The following TOX3 variants were observed in gnomAD, a reference collection of about 807,000 sequenced individuals.
TOX3 encodes CAG trinucleotide repeat-containing gene F9 protein.
TOX3 carries 22 observed loss-of-function variants against 64.3 expected under a neutral mutation model. The observed-to-expected ratio is 0.34, with a 90% confidence interval of 0.24 to 0.49. The LOEUF (loss-of-function observed/expected upper bound fraction) is 0.49, where lower values mean the gene tolerates loss of function less well. TOX3 is among the 20% of genes least tolerant of loss of function. The probability of loss-of-function intolerance (pLI) is 0.99; values close to 1 mark genes in which losing one functional copy is unlikely to be tolerated. For missense variants in TOX3, 661 were observed against 714.4 expected (o/e 0.93, Z 0.85); for synonymous variants, 291 against 273.6 (o/e 1.06, Z -0.63).
At chr16:52,484,998 C>A (rs1461373679) in intron 1 of TOX3, among the ~76,000 whole-genome samples, 3 of 151,332 alleles carry the variant, frequency 2.0e-5, no homozygotes, top group East Asian at 1.9e-4. Context: ...AACCTAAGTA[C>A]ATATAAGCAG....
rs964809815 is a variant in TOX3 at position 52,437,881 on chromosome 16, A to T, written c.*1344T>A. On this transcript the variant is annotated 3_prime_UTR_variant, in exon 7 of 7. Coordinates refer to ENST00000219746, the MANE Select transcript of TOX3 (RefSeq NM_001080430.4). ...CAAGGATCTTCATTTCAGGCTATGC[A>T]ATGCATATTCTTGGCCATAAATATC... 3 of 152,434 alleles carry T rather than the reference A, an allele frequency of 2.0e-5. No homozygotes were observed. The highest frequency in any genetic ancestry group is 7.2e-5 in the African/African-American group (3 of 41,408). The allele number at this position is 152,434 out of a possible 1,614,324, so 9.4% of individuals were successfully genotyped here.
At chr16:52,489,233 C>CA (rs1213613600) in intron 1 of TOX3, among the ~76,000 whole-genome samples, 1 of 152,160 alleles carries the variant, frequency 6.6e-6, no homozygotes, top group Admixed American at 6.5e-5. Context: ...CAGTCCCATT[C>CA]ACCCTTAGAG....
intron 3 of TOX3, among the ~76,000 whole-genome samples, chr16:52,458,016 C>T (rs1317322014): frequency 6.6e-6 from 1 of 152,080 alleles, no homozygotes; most frequent in East Asian, 1.9e-4. Flanking sequence ...CTGCAACTGC[C>T]TTTGTTTTAC....
chr16:52,516,171 T>C (rs926125166), intron 1 of TOX3, among the ~76,000 whole-genome samples: 4 of 152,192 alleles, frequency 2.6e-5, no homozygotes, highest in Non-Finnish European at 5.9e-5. Context: ...TATTAATACC[T>C]AAGAAAATCA....
At chr16:52,501,086 T>C (rs1053022473) in intron 1 of TOX3, among the ~76,000 whole-genome samples, 4 of 152,184 alleles carry the variant, frequency 2.6e-5, no homozygotes, top group African/African-American at 9.7e-5. Flanking sequence ...TTTCCATATG[T>C]TAACTCATTA....
At chr16:52,485,052 TAC>T (rs139274101) in intron 1 of TOX3, among the ~76,000 whole-genome samples, 28,411 of 145,394 alleles carry the variant, frequency 0.2, 3,103 homozygotes, top group East Asian at 0.52. Context: ...TATATATATA[TAC>T]ACACACACAA....
In TOX3 at chr16:52,445,727, A is replaced by T. The variant is rs181464681; in HGVS notation, c.906+267T>A. On this transcript the variant is annotated intron_variant, in intron 5 of 6. Coordinates refer to ENST00000219746, the MANE Select transcript of TOX3 (RefSeq NM_001080430.4). ...TTAAAATGAAAAGATTATCATCAAA[A>T]GTTTATGCTTGCAGGATACTGCCTG... is the stretch of plus-strand genomic sequence containing the variant. 3.2e-5 allele frequency: 12 copies of T among 375,446 alleles called. No individual in the cohort carries two copies. The Admixed American group carries it at 4.7e-4, about 15-fold the overall frequency. The allele number at this position is 375,446 out of a possible 1,614,324, so 23.3% of individuals were successfully genotyped here.
intron 1 of TOX3, among the ~76,000 whole-genome samples, chr16:52,536,713 C>A (rs967348333): frequency 7.4e-6 from 1 of 134,608 alleles, no homozygotes; most frequent in Admixed American, 7.7e-5. Flanking sequence ...ATTTCTCACT[C>A]TATATCCATA....
chr16:52,461,691 C>A (rs1442242183), intron 3 of TOX3, among the ~76,000 whole-genome samples: 1 of 152,092 alleles, frequency 6.6e-6, no homozygotes, highest in Non-Finnish European at 1.5e-5. Context: ...TTCTTACTTG[C>A]ATAAGGTATG....
intron 2 of TOX3, among the ~76,000 whole-genome samples, chr16:52,468,263 T>C (rs1185025672): frequency 1.3e-5 from 2 of 152,214 alleles, no homozygotes; most frequent in Non-Finnish European, 2.9e-5. Context: ...TTACTTTTTG[T>C]TTGCATTATT....
chr16:52,505,569 A>C (rs1241106782), intron 1 of TOX3, among the ~76,000 whole-genome samples: 1 of 152,298 alleles, frequency 6.6e-6, no homozygotes, highest in South Asian at 2.1e-4. Context: ...AAAAATCACT[A>C]ACTGCTTTGG....
At chr16:52,509,482 A>C (rs1962245189) in intron 1 of TOX3, among the ~76,000 whole-genome samples, 1 of 152,206 alleles carries the variant, frequency 6.6e-6, no homozygotes, top group Non-Finnish European at 1.5e-5. Flanking sequence ...TAGTTCTAAA[A>C]GTGTTTTGCC....
At chr16:52,534,503 G>A (rs2151486709) in intron 1 of TOX3, among the ~76,000 whole-genome samples, 1 of 152,092 alleles carries the variant, frequency 6.6e-6, no homozygotes, top group African/African-American at 2.4e-5. Context: ...CTGGGTATGG[G>A]GTGTGCACTT....
Position 52,501,469 on chromosome 16 carries a change from C to T in TOX3, c.88-32895G>A, listed in dbSNP as rs1022643268. On this transcript the variant is annotated intron_variant, in intron 1 of 6. Coordinates refer to ENST00000219746, the MANE Select transcript of TOX3 (RefSeq NM_001080430.4). Reference sequence around the variant, plus strand: ...GGCGGATCACCTGAGGCCAGGAGTTCGAGACCAGCCTGGCCAACATGGTGA... The same window carrying T: ...GGCGGATCACCTGAGGCCAGGAGTTTGAGACCAGCCTGGCCAACATGGTGA... Among the ~76,000 whole-genome samples the T allele has an allele frequency of 3.9e-5, 6 of 152,030 alleles. No homozygotes were observed. The East Asian group carries it at 5.8e-4, about 15-fold the overall frequency.
intron 3 of TOX3, among the ~76,000 whole-genome samples, chr16:52,455,360 T>C (rs908425438): frequency 1.3e-5 from 2 of 152,022 alleles, no homozygotes; most frequent in Non-Finnish European, 2.9e-5. Context: ...ACCCACTAGA[T>C]ACCAGTAGCC....
chr16:52,442,561 T>C (rs1350749981), intron 6 of TOX3, among the ~76,000 whole-genome samples: 1 of 152,202 alleles, frequency 6.6e-6, no homozygotes, highest in African/African-American at 2.4e-5. Context: ...TTGATTGTCA[T>C]CTCTCTTTAA....
chr16:52,444,229 C>T (rs1324691631), intron 6 of TOX3, 47 bp downstream of exon 6: 1 of 1,441,658 alleles, frequency 6.9e-7, no homozygotes. Flanking sequence ...GGGCTGTTTT[C>T]CACGCTGTGA....
At position 52,464,185 on chromosome 16, in the gene TOX3, T is replaced by G; in HGVS notation, c.157A>C (p.Thr53Pro). The G allele has an allele frequency of 1.3e-6, 2 of 1,521,002 alleles. 1 individual carries two copies. Among genetic ancestry groups the G allele is most frequent in the Middle Eastern group, 3.5e-4 (2 of 5,688 alleles). The allele number at this position is 1,521,002 out of a possible 1,614,324, so 94.2% of individuals were successfully genotyped here. ...TCCCCAAGGCTTGGTGTGTGGAATG[T>G]CTGCTAAAAGGAAACAAAATACAGG... is the stretch of plus-strand genomic sequence containing the variant. ...NNAFFAASEQTFHTPSLGDEE... is the reference protein window; with the variant it reads ...NNAFFAASEQPFHTPSLGDEE... Residue 53 changes from threonine to proline, a missense_variant, in exon 3 of 7, where the codon ACA (threonine) becomes CCA (proline). Physicochemically the swap from Thr to Pro is conservative, Grantham distance 38. This residue lies in a region of TOX3 where 259 missense variants were observed against 261.2 expected (regional missense o/e 0.99). Coordinates refer to ENST00000219746, the MANE Select transcript of TOX3 (RefSeq NM_001080430.4).
chr16:52,518,257 G>A (rs540256490), intron 1 of TOX3, among the ~76,000 whole-genome samples: 38 of 152,224 alleles, frequency 2.5e-4, no homozygotes, highest in Middle Eastern at 3.4e-3. Context: ...TCTGGTAAAA[G>A]GCATATGTTA....
Sources: gnomAD v4.1 joint callset for allele counts (sites outside exome capture counted in the v4.1 genomes callset) on GRCh38, gnomAD v4.1.1 for gene constraint, gnomAD v4.1.1 regional missense constraint, MANE v1.5 for transcripts, NCBI Gene and HGNC (gene_info 2026-07-23, HGNC 2026-07-21) for gene names.